The following TCF7L1 variants were observed in gnomAD, a reference collection of about 807,000 sequenced individuals.
The protein encoded by TCF7L1 is transcription factor 7-like 1.
TCF7L1 carries 18 observed loss-of-function variants against 63.7 expected under a neutral mutation model. The observed-to-expected ratio is 0.28, with a 90% confidence interval of 0.20 to 0.42. The LOEUF is 0.42. Among genes scored for constraint, TCF7L1 ranks in the 10% least tolerant of loss-of-function variants. The pLI is 1.00. For missense variants in TCF7L1, 654 were observed against 779.3 expected (o/e 0.84, Z 1.91); for synonymous variants, 355 against 340.9 (o/e 1.04, Z -0.46).
intron 3 of TCF7L1, among the ~76,000 whole-genome samples, chr2:85,256,495 A>C (rs984411447): frequency 6.6e-6 from 1 of 152,212 alleles, no homozygotes; most frequent in African/African-American, 2.4e-5. Flanking sequence ...GGGAATGCCT[A>C]GGGGGAAGCC....
At chr2:85,271,255 G>A (rs1368994520) in intron 3 of TCF7L1, among the ~76,000 whole-genome samples, 1 of 151,806 alleles carries the variant, frequency 6.6e-6, no homozygotes. Flanking sequence ...TAGGATTACA[G>A]GCACCCGCCA....
chr2:85,188,597 C>T (rs1208522190), intron 3 of TCF7L1, among the ~76,000 whole-genome samples: 1 of 152,010 alleles, frequency 6.6e-6, no homozygotes, highest in African/African-American at 2.4e-5. Context: ...TTTAGAAAAA[C>T]CTGGTCTTGA....
chr2:85,207,069 C>A (rs1453689755), intron 3 of TCF7L1, among the ~76,000 whole-genome samples: 1 of 152,200 alleles, frequency 6.6e-6, no homozygotes, highest in African/African-American at 2.4e-5. Flanking sequence ...AGCATCTTCA[C>A]TGATGCAGAA....
intron 3 of TCF7L1, among the ~76,000 whole-genome samples, chr2:85,161,946 C>T (rs372414738): frequency 6.6e-6 from 1 of 152,042 alleles, no homozygotes. Flanking sequence ...GAGGGTCTAG[C>T]GAGGCAGGCC....
At chr2:85,158,669 A>G (rs937124969) in intron 3 of TCF7L1, among the ~76,000 whole-genome samples, 6 of 152,320 alleles carry the variant, frequency 3.9e-5, no homozygotes, top group South Asian at 4.1e-4. Flanking sequence ...GGGATTTTCT[A>G]TCGTGGACAT....
Position 85,134,293 on chromosome 2 carries a change from G to A in TCF7L1, c.314-30G>A, listed in dbSNP as rs368926328. 23 of 1,563,656 alleles carry A rather than the reference G, an allele frequency of 1.5e-5. No individual in the cohort carries two copies. The African/African-American group carries it at 2.7e-4, about 18-fold the overall frequency. On this transcript the variant is annotated intron_variant, in intron 2 of 11. Coordinates refer to ENST00000282111, the MANE Select transcript of TCF7L1 (RefSeq NM_031283.3). This position sits in a 1 kb window ranked among gnomAD's most constrained non-coding sequence, Gnocchi z 5.0. ...CGGCGCTGTCAGTCCCGGGGGCCTG[G>A]GCCTCACCTCGCCTTGGTCTTGTTC...
chr2:85,245,335 T>C (rs1680434943), intron 3 of TCF7L1, among the ~76,000 whole-genome samples: 1 of 152,160 alleles, frequency 6.6e-6, no homozygotes, highest in African/African-American at 2.4e-5. Flanking sequence ...GGTTCCCTTC[T>C]TGGATGGAGG....
intron 3 of TCF7L1, among the ~76,000 whole-genome samples, chr2:85,256,713 C>T (rs1236518492): frequency 1.3e-5 from 2 of 152,106 alleles, no homozygotes; most frequent in African/African-American, 4.8e-5. Flanking sequence ...CATATTGGGC[C>T]AGGTTTGGTG....
At chr2:85,225,679 T>C (rs1388781971) in intron 3 of TCF7L1, among the ~76,000 whole-genome samples, 9 of 152,260 alleles carry the variant, frequency 5.9e-5, no homozygotes, top group Non-Finnish European at 1.0e-4. Flanking sequence ...GATTTTGGGC[T>C]GAGACGATGG....
intron 3 of TCF7L1, among the ~76,000 whole-genome samples, chr2:85,238,568 G>A (rs887273312): frequency 1.3e-5 from 2 of 152,110 alleles, no homozygotes; most frequent in African/African-American, 4.8e-5. Flanking sequence ...TCCAGTCACT[G>A]TCCTAGGAGC....
intron 11 of TCF7L1, 58 bp downstream of exon 11, chr2:85,307,775 G>A: frequency 6.7e-7 from 1 of 1,493,026 alleles, no homozygotes; most frequent in Non-Finnish European, 9.3e-7. Flanking sequence ...AGCCACACCT[G>A]CCCATGCTGT....
intron 11 of TCF7L1, among the ~76,000 whole-genome samples, chr2:85,308,149 C>A (rs1682162173): frequency 6.6e-6 from 1 of 152,038 alleles, no homozygotes; most frequent in Non-Finnish European, 1.5e-5. Flanking sequence ...AATTAGTTTG[C>A]TTGGGTTTAG....
chr2:85,153,340 A>ATATTTTTTT (rs750002994), intron 3 of TCF7L1, among the ~76,000 whole-genome samples: 12 of 102,272 alleles, frequency 1.2e-4, no homozygotes, highest in African/African-American at 5.1e-4. Flanking sequence ...GCCTTTATAA[A>ATATTTTTTT]TTTTTTTTTT....
chr2:85,292,002 T>C (rs1196531990), intron 4 of TCF7L1, among the ~76,000 whole-genome samples: 4 of 5,212 alleles, frequency 7.7e-4, no homozygotes, highest in Non-Finnish European at 7.3e-4. Flanking sequence ...TATTTTTTTT[T>C]TTTTTTTTTT....
At chr2:85,159,084 G>T (rs1678221059) in intron 3 of TCF7L1, among the ~76,000 whole-genome samples, 1 of 152,248 alleles carries the variant, frequency 6.6e-6, no homozygotes, top group African/African-American at 2.4e-5. Context: ...ACCGTGGACA[G>T]TGCGGTTCAG....
At chr2:85,255,185 C>G (rs1680681036) in intron 3 of TCF7L1, among the ~76,000 whole-genome samples, 1 of 152,168 alleles carries the variant, frequency 6.6e-6, no homozygotes, top group African/African-American at 2.4e-5. Flanking sequence ...CAGACTGCAT[C>G]TTAACAGGAT....
At chr2:85,234,131 C>CTTTTTTTTTTTTTTTTCTTTTT (rs1680145134) in intron 3 of TCF7L1, among the ~76,000 whole-genome samples, 1 of 65,220 alleles carries the variant, frequency 1.5e-5, no homozygotes, top group Non-Finnish European at 2.8e-5. Context: ...TTTTTCTTTT[C>CTTTTTTTTTTTTTTTTCTTTTT]TTTTTTTTTT....
intron 3 of TCF7L1, among the ~76,000 whole-genome samples, chr2:85,211,926 G>C (rs1036061597): frequency 1.3e-5 from 2 of 151,784 alleles, no homozygotes; most frequent in East Asian, 1.9e-4. Flanking sequence ...CCCATCTCTA[G>C]TAAAAATACA....
intron 3 of TCF7L1, among the ~76,000 whole-genome samples, chr2:85,196,306 G>T (rs1002344589): frequency 6.6e-6 from 1 of 151,932 alleles, no homozygotes; most frequent in African/African-American, 2.4e-5. Context: ...TATTGCTTAG[G>T]CTGGACTCAA....
Sources: gnomAD v4.1 joint callset for allele counts (sites outside exome capture counted in the v4.1 genomes callset) on GRCh38, gnomAD v4.1.1 for gene constraint, Gnocchi (gnomAD v3.1) non-coding constraint, MANE v1.5 for transcripts, NCBI Gene and HGNC (gene_info 2026-07-23, HGNC 2026-07-21) for gene names.